TBL3: variants seen among roughly 807,000 people sequenced by gnomAD.
TBL3 encodes the protein transducin beta-like protein 3.
In TBL3, 71 loss-of-function variants were observed where a neutral mutation model predicts 102.7. The ratio of observed to expected loss-of-function variants is 0.69; its 90% CI spans 0.57 to 0.84. The LOEUF (loss-of-function observed/expected upper bound fraction) is 0.84, where lower values mean the gene tolerates loss of function less well. Ranked by LOEUF, TBL3 falls within the 40% of genes least tolerant of loss-of-function variation. The pLI, the probability that TBL3 is intolerant of heterozygous loss-of-function variation, is 0.00. For missense variants in TBL3, 1,188 were observed against 1,098.5 expected (o/e 1.08, Z -1.15); for synonymous variants, 578 against 477.7 (o/e 1.21, Z -2.74).
rs1374960378 is a variant in TBL3, at chr16:1,979,033, C to T, written c.*348C>T. 4 of 1,538,212 alleles carry T rather than the reference C, an allele frequency of 2.6e-6. No individual in the cohort carries two copies. Among genetic ancestry groups the T allele is most frequent in the Admixed American group, 2.0e-5 (1 of 50,062 alleles). On this transcript the variant is annotated 3_prime_UTR_variant, in exon 22 of 22. Transcript: ENST00000568546. ...GCCCTGGGATGGCGCGGTCCATCCC[C>T]TCATCGGGATCCTCGCGCTCACTGC... is the stretch of plus-strand genomic sequence containing the variant.
In TBL3 at chr16:1,977,393, C is replaced by T. The variant is rs758993167; in HGVS notation, c.1709C>T (p.Ala570Val). Residue 570 changes from alanine (A) to valine (V), a missense_variant, in exon 16 of 22, where the codon GCC becomes GTC. Coordinates refer to ENST00000568546, the MANE Select transcript of TBL3 (RefSeq NM_006453.3). ...CACGATGCTTCTGTGCTGAAGGTGG[C>T]CTTTGTGAGCCGTGGCACGCAGCTG... Reference protein sequence around the residue: ...EGHDASVLKVAFVSRGTQLLS... With the variant: ...EGHDASVLKVVFVSRGTQLLS... 3 of 1,613,008 alleles carry T rather than the reference C, an allele frequency of 1.9e-6. No individual in the cohort carries two copies. The highest frequency in any genetic ancestry group is 2.5e-6 in the Non-Finnish European group (3 of 1,179,992).
At position 1,979,030 on chromosome 16, in the gene TBL3, C is replaced by A. The variant is rs1429032973; in HGVS notation, c.*345C>A. The A allele has an allele frequency of 1.3e-6, 2 of 1,535,820 alleles. No individual in the cohort carries two copies. The highest frequency in any genetic ancestry group is 1.7e-6 in the Non-Finnish European group (2 of 1,150,706). On this transcript the variant is annotated 3_prime_UTR_variant, in exon 22 of 22. Coordinates refer to ENST00000568546, the MANE Select transcript of TBL3 (RefSeq NM_006453.3). ...CCAGCCCTGGGATGGCGCGGTCCAT[C>A]CCCTCATCGGGATCCTCGCGCTCAC...
intron 1 of TBL3, among the ~76,000 whole-genome samples, chr16:1,973,234 G>A (rs1024055938): frequency 6.6e-6 from 1 of 152,186 alleles, no homozygotes; most frequent in Non-Finnish European, 1.5e-5. Context: ...GAGGTCAGGA[G>A]ATTGAGACCA....
Position 1,975,457 on chromosome 16 carries a change from T to C in TBL3, c.805+19T>C, listed in dbSNP as rs1312181950. On this transcript the variant is annotated intron_variant, in intron 9 of 21. Transcript: ENST00000568546. ...GACCAAGGTGTGTTGGGCCGGGACA[T>C]GGGCAGGCGGTAGGGGCTGGGGAAG... is the stretch of plus-strand genomic sequence containing the variant. The C allele has an allele frequency of 3.1e-6, 5 of 1,611,872 alleles. No homozygotes were observed. The highest frequency in any genetic ancestry group is 3.4e-6 in the Non-Finnish European group (4 of 1,179,256).
rs758233571 is a variant in TBL3 at position 1,977,113 on chromosome 16, C to A, written c.1500C>A (p.Asp500Glu). Residue 500 changes from aspartate to glutamate, a missense_variant, in exon 15 of 22, where the codon GAC becomes GAA. Coordinates refer to ENST00000568546, the MANE Select transcript of TBL3 (RefSeq NM_006453.3). ...NDKLLATGSQ[D>E]RTAKLWALPQ... is the part of the protein sequence containing the mutation. Reference sequence around the variant, plus strand: ...AGCTGCTGGCCACAGGCTCACAGGACCGCACGGCCAAGCTCTGGGCCCTGC... The same window carrying A: ...AGCTGCTGGCCACAGGCTCACAGGAACGCACGGCCAAGCTCTGGGCCCTGC... 7.4e-6 allele frequency: 12 copies of A among 1,612,988 alleles called. No homozygotes were observed. The South Asian group carries it at 1.3e-4, about 18-fold the overall frequency.
rs548373444 is a variant in TBL3 at position 1,979,984 on chromosome 16, T to TG, written c.*1305dup. On this transcript the variant is annotated 3_prime_UTR_variant, in exon 22 of 22. Coordinates refer to ENST00000568546, the MANE Select transcript of TBL3 (RefSeq NM_006453.3). ...GCAGAGGAGCAAATCCCTGGGTTCT[T>TG]GGGGGGCCCTACCTGAGGGGTGCCG... 8 of 1,596,714 alleles carry TG rather than the reference T, an allele frequency of 5.0e-6. No homozygotes were observed. The South Asian group carries it at 6.8e-5, about 13-fold the overall frequency.
At chr16:1,976,421 C>A (rs555252452) in intron 13 of TBL3, 107 bp downstream of exon 13, 4 of 956,682 alleles carry the variant, frequency 4.2e-6, no homozygotes, top group Non-Finnish European at 6.5e-6. Flanking sequence ...CTTTGGCTTG[C>A]TCTGAGGCTC....
chr16:1,977,912 A>G, intron 18 of TBL3, 46 bp from the exon 19 acceptor site: 1 of 1,589,982 alleles, frequency 6.3e-7, no homozygotes, highest in South Asian at 1.1e-5. Flanking sequence ...CTCTGCCTGC[A>G]GCCCCAGCCA....
At position 1,979,313 on chromosome 16, in the gene TBL3, C is replaced by G. The variant is rs1318305846; in HGVS notation, c.*628C>G. On this transcript the variant is annotated 3_prime_UTR_variant, in exon 22 of 22. Transcript: ENST00000568546. ...GAGCGCCCAGCCCTTCCGGCCGCAG[C>G]AGCACCGCGGGGAGTAGGCCCGCCC... 6.4e-7 allele frequency: 1 copy of G among 1,572,488 alleles called. No homozygotes were observed.
At position 1,981,591 on chromosome 16, in the gene TBL3, G is replaced by A. The variant is rs1470775435; in HGVS notation, c.*2906G>A. 4 of 225,694 alleles carry A rather than the reference G, an allele frequency of 1.8e-5. No individual in the cohort carries two copies. Among genetic ancestry groups the A allele is most frequent in the Non-Finnish European group, 3.6e-5 (4 of 111,842 alleles). 14.0% of individuals were successfully genotyped at this position (225,694 alleles called of 1,614,324 possible). ...CGCCACCTGTCCTGCCCACCTCTCT[G>A]GATTCCCCTACCCTGTGAGGTAATT... On this transcript the variant is annotated 3_prime_UTR_variant, in exon 22 of 22. Coordinates refer to ENST00000568546, the MANE Select transcript of TBL3 (RefSeq NM_006453.3).
Position 1,980,002 on chromosome 16 carries a change from G to T in TBL3, c.*1317G>T. 6.2e-7 allele frequency: 1 copy of T among 1,602,740 alleles called. No homozygotes were observed. The highest frequency in any genetic ancestry group is 8.5e-7 in the Non-Finnish European group (1 of 1,175,900). On this transcript the variant is annotated 3_prime_UTR_variant, in exon 22 of 22. Coordinates refer to ENST00000568546, the MANE Select transcript of TBL3 (RefSeq NM_006453.3). ...GGGTTCTTGGGGGGCCCTACCTGAG[G>T]GGTGCCGCAGCAGCACGTCCAGGCT...
At position 1,972,100 on chromosome 16, in the gene TBL3, T is replaced by G; in HGVS notation, c.-65T>G. The G allele has an allele frequency of 4.1e-6, 6 of 1,456,660 alleles. No homozygotes were observed. The highest frequency in any genetic ancestry group is 1.8e-4 in the Middle Eastern group (1 of 5,672). The allele number at this position is 1,456,660 out of a possible 1,614,324, so 90.2% of individuals were successfully genotyped here. A position where few individuals can be genotyped will look rare whatever the true frequency, so the allele number is the denominator to read the frequency against. On this transcript the variant is annotated 5_prime_UTR_variant, in exon 1 of 22. Coordinates refer to ENST00000568546, the MANE Select transcript of TBL3 (RefSeq NM_006453.3). ...TTCTGTGAAGAGTTCGGTGCTAACC[T>G]CCCTCACGCGGCGGTGGCTGCCGGG...
chr16:1,980,162 G>A lies in TBL3; in HGVS notation c.*1477G>A, dbSNP rs1263433694. The A allele has an allele frequency of 1.9e-6, 3 of 1,603,018 alleles. No individual in the cohort carries two copies. The highest frequency in any genetic ancestry group is 1.1e-5 in the South Asian group (1 of 89,548). Reference sequence around the variant, plus strand: ...GCGCGAGAAAGAGGCTGCTCCTCTGGGGTGGGCAGGATCACCCGGCTGGGA... The same window carrying A: ...GCGCGAGAAAGAGGCTGCTCCTCTGAGGTGGGCAGGATCACCCGGCTGGGA... On this transcript the variant is annotated 3_prime_UTR_variant, in exon 22 of 22. Transcript: ENST00000568546.
intron 11 of TBL3, 29 bp downstream of exon 11, chr16:1,975,978 TG>T (rs1306709320): frequency 1.9e-6 from 3 of 1,613,962 alleles, no homozygotes; most frequent in Non-Finnish European, 2.5e-6. Flanking sequence ...CCTGACACCC[TG>T]GGAGCCGCCT....
chr16:1,976,696 C>T (rs2083404436), intron 13 of TBL3, 118 bp from the exon 14 acceptor site: 1 of 1,284,752 alleles, frequency 7.8e-7, no homozygotes, highest in African/African-American at 1.5e-5. Context: ...GGCCAACCCG[C>T]ATCCTGGGAC....
At chr16:1,975,314 G>A (rs1010278097) in intron 8 of TBL3, 31 bp from the exon 9 acceptor site, 4 of 1,613,978 alleles carry the variant, frequency 2.5e-6, no homozygotes, top group African/African-American at 1.3e-5. Context: ...GAGGGGGCAT[G>A]ATAGCAGCCT....
chr16:1,982,416 G>C lies in TBL3; in HGVS notation c.*3731G>C, dbSNP rs1288804750. ...AGCGTGTGAACCCAGGGGAGACCTT[G>C]CTCCCCTGGAAGACAGGAGAAGCTG... is the stretch of plus-strand genomic sequence containing the variant. On this transcript the variant is annotated 3_prime_UTR_variant, in exon 22 of 22. Transcript: ENST00000568546. The C allele has an allele frequency of 6.6e-6, 1 of 152,114 alleles. No individual in the cohort carries two copies. Among genetic ancestry groups the C allele is most frequent in the East Asian group, 1.9e-4 (1 of 5,182 alleles). 9.4% of individuals were successfully genotyped at this position (152,114 alleles called of 1,614,324 possible). A position where few individuals can be genotyped will look rare whatever the true frequency, so the allele number is the denominator to read the frequency against.
In TBL3 at chr16:1,980,593, T is replaced by C. The variant is rs2083485258; in HGVS notation, c.*1908T>C. The stretch of plus-strand genomic sequence containing the variant: ...TGTGATACGCCGCTTTGGGCTTCAC[T>C]GGTCCCTGGCGCCCCCAGGCAAGCC... On this transcript the variant is annotated 3_prime_UTR_variant, in exon 22 of 22. Transcript: ENST00000568546. 1 of 1,592,670 alleles carries C rather than the reference T, an allele frequency of 6.3e-7. No individual in the cohort carries two copies. Among genetic ancestry groups the C allele is most frequent in the African/African-American group, 1.3e-5 (1 of 74,640 alleles).
chr16:1,975,907 G>A lies in TBL3; in HGVS notation c.1087G>A (p.Glu363Lys). Residue 363 changes from glutamate (E) to lysine (K), a missense_variant, in exon 11 of 22, where the codon GAG (glutamate) becomes AAG (lysine). Coordinates refer to ENST00000568546, the MANE Select transcript of TBL3 (RefSeq NM_006453.3). ...CAATAGCCCCTGCCTAAAAGTGTTT[G>A]AGCTGCAGACGTCAGCCTGCCAGAT... ...ASNSPCLKVF[E>K]LQTSACQILH... The A allele has an allele frequency of 6.2e-7, 1 of 1,614,168 alleles. No individual in the cohort carries two copies.
Sources: allele counts gnomAD v4.1 joint callset (sites outside exome capture counted in the v4.1 genomes callset), GRCh38; gene constraint gnomAD v4.1.1; transcripts MANE v1.5; gene names NCBI Gene and HGNC (gene_info 2026-07-23, HGNC 2026-07-21).